CREB5: variants seen among roughly 807,000 people sequenced by gnomAD.
CREB5 encodes cAMP responsive element binding protein 5.
CREB5 carries 19 observed loss-of-function variants against 57.1 expected under a neutral mutation model. The observed-to-expected ratio is 0.33, with a 90% confidence interval of 0.23 to 0.49. The LOEUF is 0.49. CREB5 is among the 20% of genes least tolerant of loss of function. CREB5 has a pLI of 0.99. For synonymous variants in CREB5, 238 were observed against 238.3 expected, an observed-to-expected ratio of 1.00 and a Z score of 0.01; for missense variants, 579 against 671.6, an observed-to-expected ratio of 0.86 and a Z score of 1.52.
chr7:28,673,282 G>C (rs1800140813), intron 5 of CREB5, among the ~76,000 whole-genome samples: 1 of 152,074 alleles, frequency 6.6e-6, no homozygotes, highest in Non-Finnish European at 1.5e-5. Flanking sequence ...ATTCTAAAAG[G>C]ACCTCCCCAT....
At chr7:28,548,199 A>G (rs160335) in intron 4 of CREB5, among the ~76,000 whole-genome samples, 132,966 of 152,102 alleles carry the variant, frequency 0.87, 58,494 homozygotes, top group African/African-American at 0.95. Flanking sequence ...ACATTGGGCC[A>G]TTGGTGGGAC....
At chr7:28,604,230 C>T (rs1247297612) in intron 5 of CREB5, among the ~76,000 whole-genome samples, 1 of 152,100 alleles carries the variant, frequency 6.6e-6, no homozygotes, top group Non-Finnish European at 1.5e-5. Flanking sequence ...GATCTCACCA[C>T]CTCTGCACAC....
At chr7:28,756,197 GT>G (rs1805286502) in intron 7 of CREB5, among the ~76,000 whole-genome samples, 1 of 152,048 alleles carries the variant, frequency 6.6e-6, no homozygotes, top group Admixed American at 6.6e-5. Flanking sequence ...AAGTGGAAGT[GT>G]CGAGGAAGGC....
At chr7:28,532,153 C>T (rs1014555587) in intron 4 of CREB5, among the ~76,000 whole-genome samples, 3 of 152,192 alleles carry the variant, frequency 2.0e-5, no homozygotes, top group Non-Finnish European at 4.4e-5. Context: ...GCTATGAGGA[C>T]ACTCAAGCAG....
rs35288750 is a variant in CREB5, at chr7:28,330,625, CA to C, written c.-25+31195del. Among the ~76,000 whole-genome samples the C allele has an allele frequency of 4.8e-3, 676 of 140,796 alleles. 7 individuals are homozygous for C. Among genetic ancestry groups the C allele is most frequent in the African/African-American group, 4.0e-3 (155 of 38,800 alleles). 92.4% of individuals were successfully genotyped at this position (140,796 alleles called of 152,430 possible). On this transcript the variant is annotated intron_variant, in intron 1 of 9. Coordinates refer to the CREB5 transcript ENST00000396299. ...AAACAGAATAGTGAAAGTGAAGCAG[CA>C]AAAAAAAAAACAACCACAGACTATG...
At chr7:28,808,953 C>T (rs908968580) in intron 8 of CREB5, among the ~76,000 whole-genome samples, 1 of 152,152 alleles carries the variant, frequency 6.6e-6, no homozygotes, top group African/African-American at 2.4e-5. Context: ...CATCTTTTCA[C>T]GAGTCATTCC....
rs116444868 is a variant in CREB5 at position 28,501,148 on chromosome 7, A to T, written c.169+6149A>T. Among the ~76,000 whole-genome samples, 719 of 152,274 alleles carry T rather than the reference A, an allele frequency of 4.7e-3. 6 individuals are homozygous for T. The highest frequency in any genetic ancestry group is 0.016 in the African/African-American group (678 of 41,538). ...CATATATGTCTGTAATTTTCCTACC[A>T]TACACCTAGATGTGTGAGCTGTACA... is the stretch of plus-strand genomic sequence containing the variant. On this transcript the variant is annotated intron_variant, in intron 3 of 10. Coordinates refer to ENST00000357727, the MANE Select transcript of CREB5 (RefSeq NM_182898.4).
intron 7 of CREB5, chr7:28,779,059 G>A (rs1030348837): frequency 6.6e-6 from 1 of 152,152 alleles, no homozygotes; most frequent in African/African-American, 2.4e-5. Flanking sequence ...TTCCAAATTG[G>A]ATGTTATGTG....
At chr7:28,528,409 T>G (rs1793541529) in intron 4 of CREB5, among the ~76,000 whole-genome samples, 1 of 152,194 alleles carries the variant, frequency 6.6e-6, no homozygotes, top group South Asian at 2.1e-4. Context: ...CAGTGTGCTA[T>G]ACAAATGAGT....
At chr7:28,539,932 T>A (rs951060175) in intron 4 of CREB5, among the ~76,000 whole-genome samples, 2 of 152,174 alleles carry the variant, frequency 1.3e-5, no homozygotes, top group African/African-American at 4.8e-5. Context: ...AAATCAACAT[T>A]CTTTCTCATT....
rs1803202741 is a variant in CREB5 at position 28,724,210 on chromosome 7, C to A, written c.592-12C>A. The stretch of plus-strand genomic sequence containing the variant: ...TTGCAGACTTCTAATTCTTTTCTTT[C>A]CTTTCTCTTAGATGGAGCGACAAAT... On this transcript the variant is annotated splice_polypyrimidine_tract_variant and intron_variant, in intron 6 of 10. Coordinates refer to ENST00000357727, the MANE Select transcript of CREB5 (RefSeq NM_182898.4). 6.2e-7 allele frequency: 1 copy of A among 1,608,516 alleles called. No individual in the cohort carries two copies. The highest frequency in any genetic ancestry group is 1.3e-5 in the African/African-American group (1 of 74,852).
intron 1 of CREB5, among the ~76,000 whole-genome samples, chr7:28,378,282 C>T (rs1422737849): frequency 8.9e-6 from 1 of 112,928 alleles, no homozygotes; most frequent in Non-Finnish European, 1.8e-5. Flanking sequence ...GCTACAGTCA[C>T]TTTCAACTCC....
At position 28,570,371 on chromosome 7, in the gene CREB5, T is replaced by C; in HGVS notation, c.298T>C (p.Ser100Pro). Reference protein sequence around the residue: ...QEEESSKRNISMHNAVGGAMT... With the variant: ...QEEESSKRNIPMHNAVGGAMT... ...CTGTGTCTTCTCTGGGCAGAATATC[T>C]CGATGCATAATGCAGTTGGTGGGGC... is the stretch of plus-strand genomic sequence containing the variant. The change falls in exon 5 of 11, where the codon TCG (serine) becomes CCG (proline). Residue 100 changes from serine to proline, a missense_variant. By Grantham distance (74) the Ser-to-Pro change is moderately conservative. Transcript: ENST00000357727. 6.2e-7 allele frequency: 1 copy of C among 1,613,086 alleles called. No individual in the cohort carries two copies. Among genetic ancestry groups the C allele is most frequent in the Non-Finnish European group, 8.5e-7 (1 of 1,179,226 alleles).
chr7:28,410,161 G>C (rs1313200954), upstream of CREB5: 1 of 411,504 alleles, frequency 2.4e-6, no homozygotes, highest in East Asian at 7.1e-5. Flanking sequence ...GTGGGCGCGC[G>C]CCCGGGGAGG....
chr7:28,497,010 GC>G (rs1792086822), intron 3 of CREB5, among the ~76,000 whole-genome samples: 1 of 152,210 alleles, frequency 6.6e-6, no homozygotes, highest in African/African-American at 2.4e-5. Context: ...TACACAAGTA[GC>G]AAGGCTGTAG....
intron 6 of CREB5, among the ~76,000 whole-genome samples, chr7:28,720,880 G>A (rs1457086569): frequency 2.6e-5 from 4 of 152,030 alleles, no homozygotes; most frequent in African/African-American, 7.2e-5. Flanking sequence ...CCACTGCAGA[G>A]ACTTTTTAAA....
At chr7:28,686,448 G>A (rs1800917925) in intron 5 of CREB5, among the ~76,000 whole-genome samples, 2 of 149,444 alleles carry the variant, frequency 1.3e-5, no homozygotes, top group South Asian at 2.1e-4. Flanking sequence ...AGACCTGAAT[G>A]AGTTGAACAG....
chr7:28,358,793 T>C (rs1190464549), intron 1 of CREB5, among the ~76,000 whole-genome samples: 1 of 152,168 alleles, frequency 6.6e-6, no homozygotes, highest in African/African-American at 2.4e-5. Flanking sequence ...AATGAAACAA[T>C]GCCTCAGCAT....
intron 7 of CREB5, among the ~76,000 whole-genome samples, chr7:28,749,834 C>T (rs969332809): frequency 1.3e-5 from 2 of 151,816 alleles, no homozygotes; most frequent in East Asian, 1.9e-4. Flanking sequence ...GATTTTTATG[C>T]AAGATAAATA....
Sources: allele counts gnomAD v4.1 joint callset (sites outside exome capture counted in the v4.1 genomes callset), GRCh38; gene constraint gnomAD v4.1.1; transcripts MANE v1.5; gene names NCBI Gene and HGNC (gene_info 2026-07-23, HGNC 2026-07-21).